The following TRPC5 variants were observed in gnomAD, a reference collection of about 807,000 sequenced individuals.
The protein encoded by TRPC5 is transient receptor potential cation channel subfamily C member 5.
Under a neutral mutation model 56.5 loss-of-function variants are expected in TRPC5, and 9 were observed. The observed-to-expected ratio is 0.16, with a 90% CI of 0.10 to 0.28. The LOEUF is 0.28. Ranked by LOEUF, TRPC5 falls within the 10% of genes least tolerant of loss-of-function variation. TRPC5 has a pLI of 1.00. For missense variants in TRPC5, 469 were observed against 748.9 expected, an observed-to-expected ratio of 0.63 and a Z score of 4.36; for synonymous variants, 282 against 278.5, an observed-to-expected ratio of 1.01 and a Z score of -0.13.
chrX:111,781,806 A>T, intron 8 of TRPC5, 129 bp downstream of exon 8: 1 of 527,446 alleles, frequency 1.9e-6, no homozygotes, highest in Non-Finnish European at 3.0e-6. Flanking sequence ...GAGGCATGAG[A>T]ATTGCTTGAA....
chrX:111,935,510 G>C (rs887286375), intron 2 of TRPC5, among the ~76,000 whole-genome samples: 2 of 111,801 alleles, frequency 1.8e-5, no homozygotes, highest in African/African-American at 6.5e-5. Context: ...TTAGTTCCCT[G>C]TGCTTGAGGG....
At chrX:111,857,839 T>C (rs1923284157) in intron 3 of TRPC5, among the ~76,000 whole-genome samples, 1 of 112,757 alleles carries the variant, frequency 8.9e-6, no homozygotes, top group African/African-American at 3.2e-5. Context: ...AGCAATGGTC[T>C]TGATGACCTC....
At chrX:111,978,767 TAAC>T (rs1927998886) in intron 1 of TRPC5, among the ~76,000 whole-genome samples, 1 of 111,273 alleles carries the variant, frequency 9.0e-6, no homozygotes. Flanking sequence ...ACACAAATGG[TAAC>T]TATGTAAAGG....
At chrX:112,001,079 C>T (rs193171465) in intron 1 of TRPC5, among the ~76,000 whole-genome samples, 7 of 112,554 alleles carry the variant, frequency 6.2e-5, no homozygotes, top group African/African-American at 2.3e-4. Context: ...CAGAATCAAG[C>T]TCTTGTAAAT....
At chrX:111,992,251 A>G (rs1246360147) in intron 1 of TRPC5, among the ~76,000 whole-genome samples, 2 of 112,388 alleles carry the variant, frequency 1.8e-5, no homozygotes, top group African/African-American at 6.5e-5. Flanking sequence ...AAGGTGATGG[A>G]TATTTCTATT....
chrX:111,934,067 C>T (rs946569369), intron 2 of TRPC5, among the ~76,000 whole-genome samples: 2 of 110,075 alleles, frequency 1.8e-5, no homozygotes, highest in Non-Finnish European at 3.8e-5. Flanking sequence ...TTTTCTCCTA[C>T]GCTTTAGGTT....
chrX:111,996,079 A>T (rs1271003050), intron 1 of TRPC5, among the ~76,000 whole-genome samples: 1 of 107,135 alleles, frequency 9.3e-6, no homozygotes, highest in Non-Finnish European at 1.9e-5. Flanking sequence ...TGATGTTAGG[A>T]TGTCCATTTT....
intron 7 of TRPC5, among the ~76,000 whole-genome samples, chrX:111,796,687 C>T (rs1387954209): frequency 9.0e-6 from 1 of 111,639 alleles, no homozygotes; most frequent in African/African-American, 3.3e-5. Context: ...TCAACACTCC[C>T]TCAGTTTAAA....
At chrX:111,778,283 C>T (rs2148547638) in intron 10 of TRPC5, among the ~76,000 whole-genome samples, 1 of 111,113 alleles carries the variant, frequency 9.0e-6, no homozygotes, top group African/African-American at 3.3e-5. Context: ...TATCCCAGAA[C>T]TTAAAGTATA....
In TRPC5 at chrX:111,912,705, G is replaced by T; in HGVS notation, c.486C>A (p.Val162=). The change falls in exon 3 of 11, where the codon GTC becomes GTA. Residue 162 remains valine (V), a synonymous_variant. Transcript: ENST00000262839. ...TNNYEIIKLL[V]QKRVTIPRPH... ...GCCGTGGGATAGTGACCCGTTTTTG[G>T]ACAAGCAATTTGATGATTTCGTAGT... is the stretch of plus-strand genomic sequence containing the variant. 1 of 1,210,486 alleles carries T rather than the reference G, an allele frequency of 8.3e-7. No homozygotes were observed. The highest frequency in any genetic ancestry group is 3.0e-5 in the East Asian group (1 of 33,804).
At chrX:111,938,370 C>T (rs750644782) in intron 2 of TRPC5, among the ~76,000 whole-genome samples, 2,268 of 104,367 alleles carry the variant, frequency 0.022, 78 homozygotes, top group African/African-American at 0.079. Context: ...CTGGCCAGAA[C>T]TTCCAACACT....
intron 1 of TRPC5, among the ~76,000 whole-genome samples, chrX:112,065,188 C>A (rs1470782509): frequency 1.8e-5 from 2 of 111,877 alleles, no homozygotes; most frequent in East Asian, 5.6e-4. Context: ...ATATCTCTCT[C>A]CTGAGTTTAA....
intron 1 of TRPC5, among the ~76,000 whole-genome samples, chrX:112,078,498 T>C (rs150468396): frequency 5.1e-4 from 57 of 111,692 alleles, no homozygotes; most frequent in African/African-American, 1.8e-3. Context: ...TAGACTTCAA[T>C]TTCTCTATAG....
chrX:111,851,308 G>A (rs1923075543), intron 5 of TRPC5, among the ~76,000 whole-genome samples: 1 of 111,885 alleles, frequency 8.9e-6, no homozygotes, highest in African/African-American at 3.2e-5. Context: ...AAGCATGACT[G>A]ACTATACAAT....
In TRPC5 at chrX:111,911,783, C is replaced by T. The variant is rs779867866; in HGVS notation, c.900+508G>A. ...GTTTTTTAGCCTTCTCGCTAAGGGG[C>T]TGCCAGGGATTCAGTTGTGCCAACA... is the stretch of plus-strand genomic sequence containing the variant. On this transcript the variant is annotated intron_variant, in intron 3 of 10. Coordinates refer to ENST00000262839, the MANE Select transcript of TRPC5 (RefSeq NM_012471.3). Among the ~76,000 whole-genome samples the T allele has an allele frequency of 6.2e-5, 7 of 112,132 alleles. No homozygotes were observed. In the East Asian group the frequency reaches 1.7e-3, roughly 27 times the overall value.
At chrX:111,859,528 G>A (rs757282863) in intron 3 of TRPC5, among the ~76,000 whole-genome samples, 1 of 112,075 alleles carries the variant, frequency 8.9e-6, no homozygotes, top group East Asian at 2.8e-4. Context: ...TTTGAGATAA[G>A]ACTTGTTAAA....
intron 3 of TRPC5, among the ~76,000 whole-genome samples, chrX:111,904,898 A>C (rs985633837): frequency 4.5e-5 from 5 of 111,425 alleles, no homozygotes; most frequent in African/African-American, 1.6e-4. Flanking sequence ...AAGAGATAAG[A>C]GCTTTCTTAT....
At chrX:112,024,116 C>T (rs1175633951) in intron 1 of TRPC5, among the ~76,000 whole-genome samples, 1 of 111,859 alleles carries the variant, frequency 8.9e-6, no homozygotes, top group Non-Finnish European at 1.9e-5. Context: ...CTAATGATTT[C>T]CCAAGTTCTA....
Position 111,772,150 on chromosome X carries a change from TAAAG to T in TRPC5, c.*4159_*4162del, listed in dbSNP as rs777249617. 2.0e-3 allele frequency among the ~76,000 whole-genome samples: 227 copies of T among 111,649 alleles called. No individual in the cohort carries two copies. The highest frequency in any genetic ancestry group is 7.2e-3 in the African/African-American group (222 of 30,770). ...GTAACAATGTTTCTCTCTGCTGAAG[TAAAG>T]CTCACATTCATTTGGGGTACTCAGA... is the stretch of plus-strand genomic sequence containing the variant. On this transcript the variant is annotated 3_prime_UTR_variant, in exon 11 of 11. Coordinates refer to ENST00000262839, the MANE Select transcript of TRPC5 (RefSeq NM_012471.3).
Sources: allele counts gnomAD v4.1 joint callset (sites outside exome capture counted in the v4.1 genomes callset), GRCh38; gene constraint gnomAD v4.1.1; transcripts MANE v1.5; gene names NCBI Gene and HGNC (gene_info 2026-07-23, HGNC 2026-07-21).